The following DUS2 variants were observed in gnomAD, a reference collection of about 807,000 sequenced individuals.
DUS2 encodes the protein tRNA-dihydrouridine(20) synthase [NAD(P)+]-like.
DUS2 carries 52 observed loss-of-function variants against 71.3 expected under a neutral mutation model. The ratio of observed to expected loss-of-function variants is 0.73; its 90% CI spans 0.58 to 0.92. The LOEUF is 0.92. DUS2 is among the 40% of genes least tolerant of loss of function. DUS2 has a pLI of 0.00. For synonymous variants in DUS2, 204 were observed against 227.8 expected (o/e 0.90, Z 0.94); for missense variants, 558 against 622.6 (o/e 0.90, Z 1.10).
Position 68,078,732 on chromosome 16 carries a change from G to GCC in DUS2, c.1245-15_1245-14dup, listed in dbSNP as rs1446636665. The GCC allele has an allele frequency of 1.9e-6, 3 of 1,595,640 alleles. No homozygotes were observed. The East Asian group carries it at 6.7e-5, about 36-fold the overall frequency. On this transcript the variant is annotated splice_polypyrimidine_tract_variant and intron_variant, in intron 16 of 16. Transcript: ENST00000565263. ...CCTGCACCCTGCCCCTCACCTTATT[G>GCC]CCCTCTGTCTGCTCAGGGACAAGTC...
In DUS2 at chr16:68,041,826, AAAG is replaced by A. The variant is rs1409694202; in HGVS notation, c.126+3679_126+3681del. ...ACTCTGTGTCAAAAAAAAAAAAAAA[AAAG>A]AGAAATGAGTGATTTTTAAAAGTTT... On this transcript the variant is annotated intron_variant, in intron 3 of 16. Coordinates refer to ENST00000565263, the MANE Select transcript of DUS2 (RefSeq NM_017803.5). Among the ~76,000 whole-genome samples the A allele has an allele frequency of 5.5e-4, 84 of 152,154 alleles. 1 individual carries two copies. The highest frequency in any genetic ancestry group is 2.0e-3 in the African/African-American group (81 of 41,528).
intron 7 of DUS2, among the ~76,000 whole-genome samples, chr16:68,060,102 GC>G (rs2151421848): frequency 6.6e-6 from 1 of 152,302 alleles, no homozygotes; most frequent in East Asian, 1.9e-4. Flanking sequence ...GCCTATGCAA[GC>G]ATTGAGTATG....
At chr16:68,050,992 A>G (rs2033770848) in intron 4 of DUS2, among the ~76,000 whole-genome samples, 1 of 152,194 alleles carries the variant, frequency 6.6e-6, no homozygotes, top group Non-Finnish European at 1.5e-5. Flanking sequence ...ATCCCACCCT[A>G]AAAACCTTCT....
At chr16:68,032,889 A>G (rs1404868550) in intron 2 of DUS2, among the ~76,000 whole-genome samples, 1 of 133,080 alleles carries the variant, frequency 7.5e-6, no homozygotes, top group African/African-American at 2.9e-5. Flanking sequence ...AGCCTGGGCA[A>G]CAGAGTGAGA....
intron 5 of DUS2, 84 bp from the exon 6 acceptor site, chr16:68,054,490 T>C: frequency 1.4e-6 from 2 of 1,419,644 alleles, no homozygotes; most frequent in South Asian, 2.3e-5. Context: ...TGTGTGTGTG[T>C]ATGTGTGTGC....
At chr16:68,070,911 A>T in intron 11 of DUS2, 29 bp from the exon 12 acceptor site, 1 of 1,607,556 alleles carries the variant, frequency 6.2e-7, no homozygotes, top group Non-Finnish European at 8.5e-7. Flanking sequence ...CGTGATGGGG[A>T]CACCCCTAAC....
chr16:68,047,971 C>T (rs2033729108), intron 3 of DUS2, among the ~76,000 whole-genome samples: 1 of 151,660 alleles, frequency 6.6e-6, no homozygotes, highest in Non-Finnish European at 1.5e-5. Flanking sequence ...TTTGTAGAGA[C>T]AAGGTCTCAC....
chr16:68,054,733 C>G, intron 6 of DUS2, 116 bp downstream of exon 6: 1 of 1,276,568 alleles, frequency 7.8e-7, no homozygotes, highest in South Asian at 1.2e-5. Flanking sequence ...CCATTACCTT[C>G]TGTTTCCAGG....
At chr16:68,054,834 A>C (rs1363801543) in intron 6 of DUS2, among the ~76,000 whole-genome samples, 1 of 152,050 alleles carries the variant, frequency 6.6e-6, no homozygotes, top group Non-Finnish European at 1.5e-5. Context: ...CATGAGGTCA[A>C]GAGATCGAGA....
intron 5 of DUS2, 114 bp from the exon 6 acceptor site, chr16:68,054,458 ACT>A: frequency 8.6e-7 from 1 of 1,160,780 alleles, no homozygotes; most frequent in Non-Finnish European, 1.3e-6. Context: ...AGCCAGCCTG[ACT>A]CTGTTGTTGG....
At position 68,056,444 on chromosome 16, in the gene DUS2, C is replaced by T. The variant is rs377294409; in HGVS notation, c.369+20C>T. 13 of 1,599,510 alleles carry T rather than the reference C, an allele frequency of 8.1e-6. No homozygotes were observed. Among genetic ancestry groups the T allele is most frequent in the African/African-American group, 2.7e-5 (2 of 74,610 alleles). ...ACCAAGGTAAACTGGTTTCTTTATA[C>T]TCCTCATAAACATAGGATGCAGATT... On this transcript the variant is annotated intron_variant, in intron 7 of 16. Coordinates refer to ENST00000565263, the MANE Select transcript of DUS2 (RefSeq NM_017803.5).
At chr16:68,031,501 C>G (rs534733860) in intron 2 of DUS2, among the ~76,000 whole-genome samples, 2 of 152,230 alleles carry the variant, frequency 1.3e-5, no homozygotes, top group East Asian at 3.9e-4. Flanking sequence ...AAATCTCTCC[C>G]TTTCTGCCAA....
chr16:68,053,282 T>C (rs1419348000), intron 4 of DUS2, among the ~76,000 whole-genome samples: 1 of 152,206 alleles, frequency 6.6e-6, no homozygotes, highest in Non-Finnish European at 1.5e-5. Flanking sequence ...TTTTAAACGT[T>C]GCAAAATGTT....
chr16:68,073,341 T>C (rs2034113426), intron 12 of DUS2, among the ~76,000 whole-genome samples: 1 of 152,088 alleles, frequency 6.6e-6, no homozygotes, highest in Admixed American at 6.5e-5. Flanking sequence ...GGCATGATCA[T>C]AGCTCACTAC....
chr16:68,063,302 CTG>C (rs1371197150), intron 8 of DUS2, among the ~76,000 whole-genome samples: 1 of 152,154 alleles, frequency 6.6e-6, no homozygotes, highest in Non-Finnish European at 1.5e-5. Context: ...CGGGTCCAGA[CTG>C]TGTTGGCAAG....
chr16:68,052,831 T>C (rs1263906373), intron 4 of DUS2, among the ~76,000 whole-genome samples: 1 of 151,252 alleles, frequency 6.6e-6, no homozygotes, highest in Non-Finnish European at 1.5e-5. Flanking sequence ...TTAGTAGAGA[T>C]GCGGTTTTGC....
At chr16:68,054,397 C>T (rs2033820807) in intron 5 of DUS2, among the ~76,000 whole-genome samples, 177 bp from the exon 6 acceptor site, 2 of 152,180 alleles carry the variant, frequency 1.3e-5, no homozygotes, top group African/African-American at 4.8e-5. Flanking sequence ...TCCAAGTCCA[C>T]CTTTTTCTGC....
chr16:68,031,647 T>A (rs868762366), intron 2 of DUS2, among the ~76,000 whole-genome samples: 16 of 152,178 alleles, frequency 1.1e-4, no homozygotes, highest in African/African-American at 3.1e-4. Context: ...AATGTCTTTT[T>A]TTTTTAAGGT....
At chr16:68,046,825 C>G (rs1413955447) in intron 3 of DUS2, among the ~76,000 whole-genome samples, 49 of 151,670 alleles carry the variant, frequency 3.2e-4, no homozygotes, top group Non-Finnish European at 2.9e-5. Context: ...TGGCTCACTG[C>G]AAGCTCCGCC....
Sources: allele counts gnomAD v4.1 joint callset (sites outside exome capture counted in the v4.1 genomes callset), GRCh38; gene constraint gnomAD v4.1.1; transcripts MANE v1.5; gene names NCBI Gene and HGNC (gene_info 2026-07-23, HGNC 2026-07-21).